The following RIC1 variants were observed in gnomAD, a reference collection of about 807,000 sequenced individuals.
RIC1 encodes RIC1 partner of RAB6A GEF complex, also known as guanine nucleotide exchange factor subunit RIC1.
A neutral mutation model predicts 169.0 loss-of-function variants in RIC1; 88 were observed. The ratio of observed to expected loss-of-function variants is 0.52; its 90% CI spans 0.44 to 0.62. The LOEUF is 0.62. RIC1 is among the 20% of genes least tolerant of loss of function. The pLI is 0.00. For missense variants in RIC1, 1,877 were observed against 1,725.5 expected (o/e 1.09, Z -1.56); for synonymous variants, 790 against 601.5 (o/e 1.31, Z -4.59).
At chr9:5,655,074 C>G (rs1819008402) in intron 1 of RIC1, among the ~76,000 whole-genome samples, 1 of 151,994 alleles carries the variant, frequency 6.6e-6, no homozygotes, top group South Asian at 2.1e-4. Context: ...ACCTTTTATT[C>G]CTTTTTGTGG....
Position 5,652,085 on chromosome 9 carries a change from C to T in RIC1, c.145-4498C>T, listed in dbSNP as rs139401481. Among the ~76,000 whole-genome samples, 15 of 151,662 alleles carry T rather than the reference C, an allele frequency of 9.9e-5. No homozygotes were observed. In the East Asian group the frequency reaches 1.7e-3, roughly 18 times the overall value. ...CCATTGTTTTATTTGCTTTTATTGCCAGTACCATGGTGTTTTGGTTAATAC... is the reference window on the plus strand; with the variant it reads ...CCATTGTTTTATTTGCTTTTATTGCTAGTACCATGGTGTTTTGGTTAATAC... On this transcript the variant is annotated intron_variant, in intron 1 of 25. Coordinates refer to ENST00000414202, the MANE Select transcript of RIC1 (RefSeq NM_020829.4).
At chr9:5,651,049 G>A (rs1818773070) in intron 1 of RIC1, among the ~76,000 whole-genome samples, 1 of 152,186 alleles carries the variant, frequency 6.6e-6, no homozygotes, top group Non-Finnish European at 1.5e-5. Flanking sequence ...ACAGGACCCA[G>A]TGTGAGCTCT....
intron 3 of RIC1, among the ~76,000 whole-genome samples, chr9:5,707,083 C>T (rs962260021): frequency 2.0e-5 from 3 of 152,088 alleles, no homozygotes; most frequent in African/African-American, 7.2e-5. Flanking sequence ...CATAACGTTG[C>T]ATGTTTGTTT....
At chr9:5,754,307 C>T (rs571942431) in intron 14 of RIC1, among the ~76,000 whole-genome samples, 1 of 152,024 alleles carries the variant, frequency 6.6e-6, no homozygotes, top group South Asian at 2.1e-4. Context: ...CTATATAGCA[C>T]CCAGTTATTT....
At chr9:5,661,032 C>G (rs1337416304) in intron 2 of RIC1, among the ~76,000 whole-genome samples, 1 of 152,072 alleles carries the variant, frequency 6.6e-6, no homozygotes, top group African/African-American at 2.4e-5. Flanking sequence ...AGGAAGGGGT[C>G]CAGTTTCAAT....
At chr9:5,728,512 C>T (rs1824145972) in intron 6 of RIC1, among the ~76,000 whole-genome samples, 1 of 152,226 alleles carries the variant, frequency 6.6e-6, no homozygotes, top group Non-Finnish European at 1.5e-5. Flanking sequence ...ATGCCCTGTC[C>T]TCCTTGGGCT....
chr9:5,769,293 TGTATTTTACTCCG>T (rs1350697922), intron 22 of RIC1, 37 bp downstream of exon 22: 1 of 1,613,764 alleles, frequency 6.2e-7, no homozygotes, highest in Non-Finnish European at 8.5e-7. Flanking sequence ...CAAGGAGAAT[TGTATTTTACTCCG>T]TGTATTTACA....
At chr9:5,634,828 A>T (rs1255463312) in intron 1 of RIC1, among the ~76,000 whole-genome samples, 1 of 151,728 alleles carries the variant, frequency 6.6e-6, no homozygotes, top group Non-Finnish European at 1.5e-5. Context: ...TTCTTCTAGG[A>T]TTTGCATGGT....
At chr9:5,692,548 C>T (rs979831533) in intron 3 of RIC1, among the ~76,000 whole-genome samples, 4 of 152,138 alleles carry the variant, frequency 2.6e-5, no homozygotes, top group South Asian at 2.1e-4. Context: ...TACCTAAAAT[C>T]TCTTATATGA....
At chr9:5,728,594 C>G (rs1443555027) in intron 6 of RIC1, among the ~76,000 whole-genome samples, 2 of 152,204 alleles carry the variant, frequency 1.3e-5, no homozygotes, top group Non-Finnish European at 2.9e-5. Flanking sequence ...GTTGGAAATG[C>G]AGAAATCACC....
chr9:5,725,716 A>G (rs906743933), intron 6 of RIC1, among the ~76,000 whole-genome samples: 1 of 151,898 alleles, frequency 6.6e-6, no homozygotes, highest in Non-Finnish European at 1.5e-5. Flanking sequence ...ATTTCCCTCT[A>G]CACACTGCTT....
intron 1 of RIC1, among the ~76,000 whole-genome samples, chr9:5,654,837 G>A (rs926774298): frequency 1.3e-5 from 2 of 152,198 alleles, no homozygotes; most frequent in Non-Finnish European, 2.9e-5. Flanking sequence ...ACAGGCATGA[G>A]CTACTGCGCC....
intron 18 of RIC1, 59 bp downstream of exon 18, chr9:5,762,719 A>G: frequency 6.4e-7 from 1 of 1,558,608 alleles, no homozygotes; most frequent in Non-Finnish European, 8.7e-7. Context: ...ATGAGGATGA[A>G]GGAATGAAAC....
At chr9:5,730,589 T>C (rs1824312383) in intron 6 of RIC1, among the ~76,000 whole-genome samples, 1 of 152,104 alleles carries the variant, frequency 6.6e-6, no homozygotes, top group South Asian at 2.1e-4. Flanking sequence ...GTGATTACCA[T>C]GTAAATCTGG....
chr9:5,726,199 T>A (rs1386608416), intron 6 of RIC1, among the ~76,000 whole-genome samples: 1 of 152,214 alleles, frequency 6.6e-6, no homozygotes, highest in Non-Finnish European at 1.5e-5. Context: ...AGTCTCTTTG[T>A]AGGTCTCTAA....
intron 23 of RIC1, among the ~76,000 whole-genome samples, chr9:5,771,108 G>C (rs1015887055): frequency 6.6e-6 from 1 of 152,190 alleles, no homozygotes; most frequent in Admixed American, 6.5e-5. Flanking sequence ...CCGTTTTTAA[G>C]CAGAGTTTGT....
At chr9:5,696,718 T>C (rs1442406725) in intron 3 of RIC1, among the ~76,000 whole-genome samples, 1 of 152,210 alleles carries the variant, frequency 6.6e-6, no homozygotes, top group Non-Finnish European at 1.5e-5. Flanking sequence ...CTTGAGTAAA[T>C]AAATACCTAG....
intron 2 of RIC1, among the ~76,000 whole-genome samples, chr9:5,683,760 A>C (rs1259558216): frequency 2.0e-5 from 3 of 152,200 alleles, no homozygotes; most frequent in African/African-American, 2.4e-5. Flanking sequence ...ACTGCTGAGG[A>C]AGGCGGGCCT....
intron 1 of RIC1, among the ~76,000 whole-genome samples, chr9:5,632,336 T>G (rs1817755583): frequency 6.6e-6 from 1 of 152,214 alleles, no homozygotes; most frequent in Non-Finnish European, 1.5e-5. Context: ...ACTGAATCTC[T>G]ATTAAAATCT....
Sources: gnomAD v4.1 joint callset for allele counts (sites outside exome capture counted in the v4.1 genomes callset) on GRCh38, gnomAD v4.1.1 for gene constraint, MANE v1.5 for transcripts, NCBI Gene and HGNC (gene_info 2026-07-23, HGNC 2026-07-21) for gene names.